Variants in ZNF669 observed in about 807,000 individuals in gnomAD.
ZNF669 encodes zinc finger protein 669.
In ZNF669, 7 loss-of-function variants were observed where a neutral mutation model predicts 11.4. The observed-to-expected ratio is 0.62, with a 90% CI of 0.35 to 1.16. ZNF669 has a LOEUF of 1.16. Among genes scored for constraint, ZNF669 ranks in the 50% most tolerant of loss-of-function variants. The pLI is 0.02. For missense variants in ZNF669, 492 were observed against 463.6 expected, an observed-to-expected ratio of 1.06 and a Z score of -0.56; for synonymous variants, 153 against 155.8, an observed-to-expected ratio of 0.98 and a Z score of 0.13.
At position 247,104,313 on chromosome 1, in the gene ZNF669, C is replaced by G; in HGVS notation, c.-114G>C. 7.5e-7 allele frequency: 1 copy of G among 1,342,244 alleles called. No individual in the cohort carries two copies. Among genetic ancestry groups the G allele is most frequent in the African/African-American group, 1.5e-5 (1 of 65,730 alleles). 83.1% of individuals were successfully genotyped at this position (1,342,244 alleles called of 1,614,324 possible). A position where few individuals can be genotyped will look rare whatever the true frequency, so the allele number is the denominator to read the frequency against. Reference sequence around the variant, plus strand: ...TGGGCCTCCCAGAGCCAAGAACTAGCAGCGGAGACTAACAGGAAGAGCCGG... The same window carrying G: ...TGGGCCTCCCAGAGCCAAGAACTAGGAGCGGAGACTAACAGGAAGAGCCGG... On this transcript the variant is annotated 5_prime_UTR_variant, in exon 1 of 4. Transcript: ENST00000448299.
chr1:247,103,355 C>A (rs574614424), intron 1 of ZNF669, among the ~76,000 whole-genome samples: 1 of 152,186 alleles, frequency 6.6e-6, no homozygotes, highest in East Asian at 1.9e-4. Flanking sequence ...ATATTTTGGC[C>A]GAGCGCGGTG....
At chr1:247,103,097 A>AT (rs1671755444) in intron 1 of ZNF669, among the ~76,000 whole-genome samples, 1 of 152,184 alleles carries the variant, frequency 6.6e-6, no homozygotes, top group South Asian at 2.1e-4. Flanking sequence ...CTTGCCTAAC[A>AT]TACTTTTAAG....
Position 247,100,154 on chromosome 1 carries a change from T to G in ZNF669, c.*220A>C. On this transcript the variant is annotated 3_prime_UTR_variant, in exon 4 of 4. Transcript: ENST00000448299. ...CGTCTGCCACCACGCCCAGCTAATT[T>G]TTTGTATTTTTAGTAGAGACGGGGT... 1 of 417,512 alleles carries G rather than the reference T, an allele frequency of 2.4e-6. No homozygotes were observed. The highest frequency in any genetic ancestry group is 4.3e-6 in the Non-Finnish European group (1 of 234,536). The allele number at this position is 417,512 out of a possible 1,614,324, so 25.9% of individuals were successfully genotyped here.
intron 2 of ZNF669, 42 bp from the exon 3 acceptor site, chr1:247,101,833 C>T: frequency 6.2e-7 from 1 of 1,609,428 alleles, no homozygotes; most frequent in South Asian, 1.1e-5. Flanking sequence ...TTATTACAAA[C>T]TGTAGACACA....
In ZNF669 at chr1:247,102,093, A is replaced by T. The variant is rs1352992664; in HGVS notation, c.24T>A (p.Asp8Glu). The change falls in exon 2 of 4, where the codon GAT becomes GAA. Residue 8 changes from aspartate to glutamate, a missense_variant. Asp to Glu is a conservative substitution (Grantham distance 45). Coordinates refer to ENST00000448299, the MANE Select transcript of ZNF669 (RefSeq NM_001142572.2). Reference protein sequence around the residue: MDSVAFEDVAVNFTQEEW... With the variant: MDSVAFEEVAVNFTQEEW... ...CCTCCTGGGTAAAGTTCACAGCCAC[A>T]TCCTCAAAAGCCACCGAGTCCTAGA... 14 of 1,609,586 alleles carry T rather than the reference A, an allele frequency of 8.7e-6. No individual in the cohort carries two copies. Among genetic ancestry groups the T allele is most frequent in the Non-Finnish European group, 1.2e-5 (14 of 1,178,194 alleles).
At chr1:247,102,900 G>A (rs1378518005) in intron 1 of ZNF669, among the ~76,000 whole-genome samples, 1 of 152,026 alleles carries the variant, frequency 6.6e-6, no homozygotes, top group Non-Finnish European at 1.5e-5. Flanking sequence ...AAGGCAGAAT[G>A]GAATAAGAGG....
intron 3 of ZNF669, 45 bp downstream of exon 3, chr1:247,101,686 A>T (rs1444579266): frequency 6.6e-7 from 1 of 1,523,330 alleles, no homozygotes; most frequent in Non-Finnish European, 9.0e-7. Flanking sequence ...TGACATGCTA[A>T]GATTCCTTCA....
At chr1:247,102,500 A>G (rs1185501447) in intron 1 of ZNF669, among the ~76,000 whole-genome samples, 1 of 152,266 alleles carries the variant, frequency 6.6e-6, no homozygotes. Context: ...GCCTGCTCAC[A>G]AAGTTCAATC....
In ZNF669 at chr1:247,104,351, A is replaced by C. The variant is rs2103087488; in HGVS notation, c.-152T>G. 1 of 1,146,606 alleles carries C rather than the reference A, an allele frequency of 8.7e-7. No individual in the cohort carries two copies. The highest frequency in any genetic ancestry group is 1.2e-6 in the Non-Finnish European group (1 of 864,168). 71.0% of individuals were successfully genotyped at this position (1,146,606 alleles called of 1,614,324 possible). A position where few individuals can be genotyped will look rare whatever the true frequency, so the allele number is the denominator to read the frequency against. ...CAGGAAGAGCCGGCTCCGGCGAAGG[A>C]GAGACAAAGCAACCGCCAGGCAGAT... On this transcript the variant is annotated 5_prime_UTR_variant, in exon 1 of 4. Coordinates refer to ENST00000448299, the MANE Select transcript of ZNF669 (RefSeq NM_001142572.2).
chr1:247,100,866 AGT>A lies in ZNF669; in HGVS notation c.643_644del (p.Thr215TrpfsTer8), dbSNP rs1671707509. On this transcript the variant is annotated frameshift_variant, in exon 4 of 4. Coordinates refer to ENST00000448299, the MANE Select transcript of ZNF669 (RefSeq NM_001142572.2). LOFTEE classifies it low-confidence loss of function (END_TRUNC). ...CCTTACATTCGTAGGGTTTCTCTCC[AGT>A]GTGAGTTCGTTCATGTATTAGACAA... ...GSCLIHERTH[T>X]GEKPYECKEC... is the part of the protein sequence containing the mutation. 3 of 1,614,072 alleles carry A rather than the reference AGT, an allele frequency of 1.9e-6. No homozygotes were observed. The African/African-American group carries it at 4.0e-5, about 22-fold the overall frequency.
Position 247,100,597 on chromosome 1 carries a change from T to C in ZNF669, c.914A>G (p.Glu305Gly). 6.2e-7 allele frequency: 1 copy of C among 1,614,208 alleles called. No individual in the cohort carries two copies. Among genetic ancestry groups the C allele is most frequent in the Non-Finnish European group, 8.5e-7 (1 of 1,180,022 alleles). Residue 305 changes from glutamate to glycine, a missense_variant, in exon 4 of 4, where the codon GAA (glutamate) becomes GGA (glycine). Physicochemically the swap from Glu to Gly is moderately conservative, Grantham distance 98. Transcript: ENST00000448299. ...RSTHTGEKPY[E>G]CKQCDQAFSR... Reference sequence around the variant, plus strand: ...GAAGGCTTGATCACATTGTTTACATTCATAGGGTTTCTCTCCGGTATGAGT... The same window carrying C: ...GAAGGCTTGATCACATTGTTTACATCCATAGGGTTTCTCTCCGGTATGAGT...
chr1:247,101,754 G>C lies in ZNF669; in HGVS notation c.168C>G (p.Phe56Leu). The C allele has an allele frequency of 6.2e-7, 1 of 1,613,636 alleles. No homozygotes were observed. The highest frequency in any genetic ancestry group is 1.1e-5 in the South Asian group (1 of 91,022). Residue 56 changes from phenylalanine to leucine, a missense_variant, in exon 3 of 4, where the codon TTC (phenylalanine) becomes TTG (leucine). Transcript: ENST00000448299. ...ACCTTATATCTTTCCCAGGTTTTTC[G>C]AAGTGATCTTCAATATTCTGGTCTT... ...QWKDQNIEDH[F>L]EKPGKDIRNH...
At chr1:247,101,913 C>T in intron 2 of ZNF669, 74 bp downstream of exon 2, 1 of 1,609,522 alleles carries the variant, frequency 6.2e-7, no homozygotes, top group East Asian at 2.2e-5. Context: ...TCCCTTGCCA[C>T]ATTCCAAATC....
In ZNF669 at chr1:247,100,369, T is replaced by C; in HGVS notation, c.*5A>G. The C allele has an allele frequency of 1.9e-6, 3 of 1,540,352 alleles. No homozygotes were observed. The highest frequency in any genetic ancestry group is 2.3e-5 in the South Asian group (2 of 86,564). ...TTAATCCAGGCTGGTTATGAACTCC[T>C]GGGCTCAAGCAATCCACACGCCTTG... On this transcript the variant is annotated 3_prime_UTR_variant, in exon 4 of 4. Transcript: ENST00000448299.
At chr1:247,101,865 G>C (rs1027728167) in intron 2 of ZNF669, 74 bp from the exon 3 acceptor site, 2 of 1,601,196 alleles carry the variant, frequency 1.2e-6, no homozygotes, top group Non-Finnish European at 1.7e-6. Context: ...AATGTTCACT[G>C]TACACAGTGC....
Position 247,102,916 on chromosome 1 carries a change from T to C in ZNF669, c.4-803A>G, listed in dbSNP as rs192582628. Among the ~76,000 whole-genome samples the C allele has an allele frequency of 5.1e-3, 780 of 151,988 alleles. 10 individuals carry two copies. Among genetic ancestry groups the C allele is most frequent in the African/African-American group, 0.018 (742 of 41,508 alleles). On this transcript the variant is annotated intron_variant, in intron 1 of 3. Coordinates refer to ENST00000448299, the MANE Select transcript of ZNF669 (RefSeq NM_001142572.2). ...AGGCAGAATGGAATAAGAGGAAATA[T>C]GGCACATGTTTTTTAAAATGACATT...
At chr1:247,101,449 T>A in intron 3 of ZNF669, 130 bp from the exon 4 acceptor site, 1 of 1,166,894 alleles carries the variant, frequency 8.6e-7, no homozygotes, top group Non-Finnish European at 1.2e-6. Flanking sequence ...ATGACTGAAT[T>A]ATTTCAAAGT....
At chr1:247,103,888 G>A in intron 1 of ZNF669, 1 of 1,526,594 alleles carries the variant, frequency 6.6e-7, no homozygotes, top group African/African-American at 1.4e-5. Flanking sequence ...CGCACACCGA[G>A]ACACCGAGTC....
At chr1:247,104,101 G>A (rs748120661) in intron 1 of ZNF669, 96 bp downstream of exon 1, 1 of 1,596,536 alleles carries the variant, frequency 6.3e-7, no homozygotes, top group East Asian at 2.3e-5. Context: ...CGGTCCGCAG[G>A]TTCCGGAGCC....
Sources: allele counts gnomAD v4.1 joint callset (sites outside exome capture counted in the v4.1 genomes callset), GRCh38; gene constraint gnomAD v4.1.1; transcripts MANE v1.5; gene names NCBI Gene and HGNC (gene_info 2026-07-23, HGNC 2026-07-21).